ACACA: variants seen among roughly 807,000 people sequenced by gnomAD.
ACACA encodes the protein acetyl-CoA carboxylase alpha, also known as acetyl-CoA carboxylase 1.
In ACACA, 103 loss-of-function variants were observed where a neutral mutation model predicts 296.1. The observed-to-expected ratio is 0.35, with a 90% CI of 0.30 to 0.41. ACACA has a LOEUF of 0.41. Ranked by LOEUF, ACACA falls within the 10% of genes least tolerant of loss-of-function variation. The pLI, the probability that ACACA is intolerant of heterozygous loss-of-function variation, is 1.00. For synonymous variants in ACACA, 953 were observed against 1,038.6 expected, an observed-to-expected ratio of 0.92 and a Z score of 1.58; for missense variants, 1,554 against 2,989.7, an observed-to-expected ratio of 0.52 and a Z score of 11.20.
intron 3 of ACACA, among the ~76,000 whole-genome samples, chr17:37,293,790 T>C (rs369771066): frequency 3.3e-5 from 5 of 152,182 alleles, no homozygotes; most frequent in East Asian, 1.9e-4. Flanking sequence ...TCCACCCTCC[T>C]TGGCCTTCCA....
At position 37,156,527 on chromosome 17, in the gene ACACA, G is replaced by A. The variant is rs143665921; in HGVS notation, c.5350-747C>T. Among the ~76,000 whole-genome samples, 39 of 152,266 alleles carry A rather than the reference G, an allele frequency of 2.6e-4. No individual in the cohort carries two copies. The East Asian group carries it at 6.9e-3, about 27-fold the overall frequency. ...TATAAGCAAGGGATAACAGAAAACC[G>A]CAAATCTAGGAGATTCAATATTAAA... On this transcript the variant is annotated intron_variant, in intron 42 of 55. Coordinates refer to ENST00000616317, the MANE Select transcript of ACACA (RefSeq NM_198834.3).
At chr17:37,253,133 T>C in intron 14 of ACACA, 97 bp from the exon 15 acceptor site, 1 of 1,560,546 alleles carries the variant, frequency 6.4e-7, no homozygotes, top group Admixed American at 1.7e-5. Flanking sequence ...GGCTCACGCC[T>C]GTAATCCTAA....
At chr17:37,342,030 C>A (rs1302659326) in intron 1 of ACACA, among the ~76,000 whole-genome samples, 3 of 152,018 alleles carry the variant, frequency 2.0e-5, no homozygotes. Context: ...GGCCTTTTTC[C>A]AGATCCAGTC....
intron 3 of ACACA, among the ~76,000 whole-genome samples, chr17:37,291,703 C>CCCAA (rs1157657325): frequency 1.3e-5 from 2 of 151,962 alleles, no homozygotes; most frequent in Non-Finnish European, 2.9e-5. Flanking sequence ...ACATATAAGC[C>CCCAA]CCAAATACAT....
At chr17:37,211,830 A>T (rs1327073934) in intron 29 of ACACA, among the ~76,000 whole-genome samples, 1 of 152,248 alleles carries the variant, frequency 6.6e-6, no homozygotes, top group Non-Finnish European at 1.5e-5. Context: ...TTCATAAGAC[A>T]GCAAGAGCAA....
At chr17:37,115,078 C>A (rs1378208158) in intron 50 of ACACA, among the ~76,000 whole-genome samples, 1 of 152,198 alleles carries the variant, frequency 6.6e-6, no homozygotes, top group Non-Finnish European at 1.5e-5. Context: ...CCAGAAAACA[C>A]CCCCTACTCT....
chr17:37,290,206 C>T (rs982731600), intron 3 of ACACA, among the ~76,000 whole-genome samples: 24 of 152,096 alleles, frequency 1.6e-4, no homozygotes, highest in Admixed American at 1.4e-3. Flanking sequence ...TGCCACCACG[C>T]TCGACTAATT....
intron 1 of ACACA, among the ~76,000 whole-genome samples, chr17:37,344,549 C>G (rs2147379765): frequency 6.6e-6 from 1 of 151,998 alleles, no homozygotes; most frequent in African/African-American, 2.4e-5. Flanking sequence ...CAGAGCGAGA[C>G]TCCTTCTCAA....
Position 37,383,897 on chromosome 17 carries a change from A to G in ACACA, c.38+22365T>C, listed in dbSNP as rs552507567. ...GAACTTTTGAAACATAATCCCTTCT[A>G]CAAGTTTGAAACTTCCTATCCTGAA... is the stretch of plus-strand genomic sequence containing the variant. On this transcript the variant is annotated intron_variant, in intron 1 of 55. Coordinates refer to ENST00000616317, the MANE Select transcript of ACACA (RefSeq NM_198834.3). 2.6e-4 allele frequency among the ~76,000 whole-genome samples: 39 copies of G among 152,312 alleles called. 1 individual carries two copies. The highest frequency in any genetic ancestry group is 6.8e-3 in the Middle Eastern group (2 of 294).
At chr17:37,173,996 ATATATATATATATATATATATATATTTTT>A (rs1310816707) in intron 41 of ACACA, among the ~76,000 whole-genome samples, 3 of 8,598 alleles carry the variant, frequency 3.5e-4, no homozygotes, top group Non-Finnish European at 5.9e-4. Context: ...ATATATATAT[ATATATATATATATATATATATATATTTTT>A]TTTTTTTTTT....
intron 11 of ACACA, among the ~76,000 whole-genome samples, chr17:37,263,195 TCTAAA>T (rs1252316817): frequency 6.6e-6 from 1 of 152,238 alleles, no homozygotes; most frequent in Admixed American, 6.5e-5. Context: ...TGTTCAGGCC[TCTAAA>T]CTATAGTTAT....
chr17:37,226,675 T>C (rs949308172), intron 25 of ACACA, among the ~76,000 whole-genome samples: 4 of 152,214 alleles, frequency 2.6e-5, no homozygotes, highest in African/African-American at 9.7e-5. Flanking sequence ...AAATTCCTAA[T>C]GTATTTCCTT....
intron 3 of ACACA, among the ~76,000 whole-genome samples, chr17:37,303,011 G>C (rs1407704218): frequency 1.3e-5 from 2 of 152,000 alleles, no homozygotes; most frequent in Non-Finnish European, 2.9e-5. Context: ...GCACAGGCTG[G>C]ACTTAAACTC....
rs184561576 is a variant in ACACA, at chr17:37,312,463, A to G, written c.338+17710T>C. On this transcript the variant is annotated intron_variant, in intron 3 of 55. Transcript: ENST00000616317. ...TGGAAAATGGAGATAATTAACGCCT[A>G]TTTTACAGGACTGACTGTTGTTTGG... 2.3e-3 allele frequency among the ~76,000 whole-genome samples: 356 copies of G among 152,270 alleles called. 1 individual carries two copies. Among genetic ancestry groups the G allele is most frequent in the South Asian group, 3.3e-3 (16 of 4,826 alleles).
chr17:37,188,079 C>T (rs1230207151), intron 39 of ACACA, among the ~76,000 whole-genome samples, 198 bp downstream of exon 39: 3 of 152,194 alleles, frequency 2.0e-5, no homozygotes, highest in African/African-American at 7.2e-5. Flanking sequence ...GGTTTTATAA[C>T]ATCCATGATA....
At chr17:37,102,658 CGCAAGGAGTTAAGA>C (rs1354938294) in intron 52 of ACACA, among the ~76,000 whole-genome samples, 2 of 152,158 alleles carry the variant, frequency 1.3e-5, no homozygotes, top group East Asian at 3.9e-4. Context: ...GTTTGTTGTT[CGCAAGGAGTTAAGA>C]GCAAGGCTCA....
chr17:37,286,116 C>T (rs937332591), intron 3 of ACACA, among the ~76,000 whole-genome samples: 7 of 152,132 alleles, frequency 4.6e-5, no homozygotes, highest in Non-Finnish European at 8.8e-5. Flanking sequence ...TCTCGAACTC[C>T]TGACCTCAGG....
intron 3 of ACACA, among the ~76,000 whole-genome samples, chr17:37,305,256 T>C (rs1015159990): frequency 2.0e-5 from 3 of 152,220 alleles, no homozygotes; most frequent in Admixed American, 6.5e-5. Context: ...TGAAAATTGT[T>C]GTTACTAGTT....
chr17:37,280,729 TAAC>T (rs2082475637), intron 5 of ACACA, among the ~76,000 whole-genome samples: 1 of 72,334 alleles, frequency 1.4e-5, no homozygotes, highest in Non-Finnish European at 2.6e-5. Context: ...TTTACATAGT[TAAC>T]ACACACACAC....
Sources: gnomAD v4.1 joint callset for allele counts (sites outside exome capture counted in the v4.1 genomes callset) on GRCh38, gnomAD v4.1.1 for gene constraint, MANE v1.5 for transcripts, NCBI Gene and HGNC (gene_info 2026-07-23, HGNC 2026-07-21) for gene names.